The following FZD3 variants were observed in gnomAD, a reference collection of about 807,000 sequenced individuals.
The protein encoded by FZD3 is frizzled class receptor 3, also known as frizzled-3.
Under a neutral mutation model 60.7 loss-of-function variants are expected in FZD3, and 30 were observed. That is an observed-to-expected ratio of 0.49 (90% confidence interval 0.37 to 0.67). The LOEUF is 0.67. Among genes scored for constraint, FZD3 ranks in the 30% least tolerant of loss-of-function variants. The pLI is 0.00. For missense variants in FZD3, 605 were observed against 838.7 expected, an observed-to-expected ratio of 0.72 and a Z score of 3.44; for synonymous variants, 246 against 275.2, an observed-to-expected ratio of 0.89 and a Z score of 1.05.
At chr8:28,548,587 T>A (rs1317448415) in intron 5 of FZD3, among the ~76,000 whole-genome samples, 1 of 152,368 alleles carries the variant, frequency 6.6e-6, no homozygotes, top group East Asian at 1.9e-4. Flanking sequence ...TCTGAATGAT[T>A]TGAAATGTTA....
intron 5 of FZD3, among the ~76,000 whole-genome samples, chr8:28,532,786 T>A (rs1197035699): frequency 1.3e-5 from 2 of 152,166 alleles, no homozygotes; most frequent in African/African-American, 2.4e-5. Context: ...GTGTATGGAT[T>A]CTCTTAGATA....
At chr8:28,510,154 C>T (rs1804247492) in intron 3 of FZD3, among the ~76,000 whole-genome samples, 1 of 151,800 alleles carries the variant, frequency 6.6e-6, no homozygotes, top group Admixed American at 6.6e-5. Context: ...TAGCTGTCTT[C>T]AGGAGTATGA....
At chr8:28,503,227 G>A (rs902498904) in intron 3 of FZD3, 25 bp downstream of exon 3, 14 of 1,476,008 alleles carry the variant, frequency 9.5e-6, no homozygotes, top group Non-Finnish European at 1.2e-5. Context: ...ATTCTTTGAC[G>A]TATCTTAGTA....
chr8:28,500,595 A>G (rs2130264833), intron 2 of FZD3, among the ~76,000 whole-genome samples: 1 of 152,228 alleles, frequency 6.6e-6, no homozygotes, highest in East Asian at 1.9e-4. Flanking sequence ...GCAGATGAAT[A>G]TGCTGCATAA....
intron 3 of FZD3, among the ~76,000 whole-genome samples, chr8:28,507,861 C>T (rs1040114382): frequency 1.3e-5 from 2 of 150,314 alleles, no homozygotes; most frequent in Non-Finnish European, 2.9e-5. Context: ...AATATTCCAT[C>T]TTTGGTAGTG....
chr8:28,528,892 A>G (rs1804789896), intron 5 of FZD3, among the ~76,000 whole-genome samples: 1 of 152,104 alleles, frequency 6.6e-6, no homozygotes, highest in Non-Finnish European at 1.5e-5. Flanking sequence ...TACTTCTAGA[A>G]TCTGTGTTCC....
At chr8:28,556,269 C>T (rs756144705) in intron 7 of FZD3, among the ~76,000 whole-genome samples, 4 of 152,164 alleles carry the variant, frequency 2.6e-5, no homozygotes, top group Non-Finnish European at 4.4e-5. Context: ...CTACATCTAG[C>T]ACTCTTGCTA....
chr8:28,526,626 C>A (rs1430856819), intron 4 of FZD3, among the ~76,000 whole-genome samples: 1 of 152,086 alleles, frequency 6.6e-6, no homozygotes, highest in African/African-American at 2.4e-5. Context: ...GCAATACATT[C>A]TGTCATTTGG....
intron 5 of FZD3, among the ~76,000 whole-genome samples, chr8:28,543,064 C>G (rs558532483): frequency 6.6e-6 from 1 of 152,240 alleles, no homozygotes; most frequent in South Asian, 2.1e-4. Context: ...AAGTTCAAGC[C>G]TCTTATTTTA....
chr8:28,560,963 A>T (rs1253431198), intron 7 of FZD3, among the ~76,000 whole-genome samples: 1 of 152,242 alleles, frequency 6.6e-6, no homozygotes, highest in Non-Finnish European at 1.5e-5. Flanking sequence ...AGAATTAAAT[A>T]ACTTTTTACC....
chr8:28,503,120 G>A lies in FZD3; in HGVS notation c.107G>A (p.Cys36Tyr). 6.2e-7 allele frequency: 1 copy of A among 1,612,980 alleles called. No individual in the cohort carries two copies. Among genetic ancestry groups the A allele is most frequent in the Non-Finnish European group, 8.5e-7 (1 of 1,179,016 alleles). ...TGTGAACCTATTACCTTGAGGATGT[G>A]CCAAGATTTGCCTTATAATACTACC... ...FSCEPITLRM[C>Y]QDLPYNTTFM... Residue 36 changes from cysteine (C) to tyrosine (Y), a missense_variant, in exon 3 of 8, where the codon TGC (cysteine) becomes TAC (tyrosine). Physicochemically the swap from Cys to Tyr is radical, Grantham distance 194. Transcript: ENST00000240093.
intron 3 of FZD3, chr8:28,505,236 C>T (rs563027377): frequency 6.5e-6 from 1 of 154,568 alleles, no homozygotes; most frequent in Non-Finnish European, 1.5e-5. Flanking sequence ...GGAGCAAACC[C>T]AGCACACTCT....
rs748421004 is a variant in FZD3, at chr8:28,540,894, G to A, written c.1405-10709G>A. On this transcript the variant is annotated intron_variant, in intron 5 of 7. Transcript: ENST00000240093. Reference sequence around the variant, plus strand: ...TGGGAGGTGGAGGTTGCAGTGAGCCGAGAATTGCACCACTGCACTCCAGCC... The same window carrying A: ...TGGGAGGTGGAGGTTGCAGTGAGCCAAGAATTGCACCACTGCACTCCAGCC... 4.6e-5 allele frequency among the ~76,000 whole-genome samples: 7 copies of A among 152,254 alleles called. 1 individual carries two copies. The highest frequency in any genetic ancestry group is 3.3e-4 in the Admixed American group (5 of 15,294).
intron 3 of FZD3, among the ~76,000 whole-genome samples, chr8:28,512,728 A>G (rs1330846747): frequency 6.6e-6 from 1 of 152,134 alleles, no homozygotes; most frequent in East Asian, 1.9e-4. Flanking sequence ...GCAAAAAAGC[A>G]AAGTGCTAAG....
At chr8:28,496,809 T>A (rs1803856714) in intron 1 of FZD3, among the ~76,000 whole-genome samples, 1 of 152,240 alleles carries the variant, frequency 6.6e-6, no homozygotes, top group East Asian at 1.9e-4. Flanking sequence ...GTAACTAGGC[T>A]ATTGGGCCTG....
chr8:28,494,991 C>A (rs1803804343), intron 1 of FZD3, among the ~76,000 whole-genome samples: 1 of 152,168 alleles, frequency 6.6e-6, no homozygotes, highest in Non-Finnish European at 1.5e-5. Flanking sequence ...CTGCCTCCTC[C>A]GCGGGCTGTG....
At chr8:28,547,272 C>T (rs927055679) in intron 5 of FZD3, among the ~76,000 whole-genome samples, 2 of 152,164 alleles carry the variant, frequency 1.3e-5, no homozygotes, top group Admixed American at 1.3e-4. Context: ...GAAAAGTCTT[C>T]CTCAGTATCT....
At chr8:28,558,996 G>A (rs1805566354) in intron 7 of FZD3, among the ~76,000 whole-genome samples, 1 of 152,186 alleles carries the variant, frequency 6.6e-6, no homozygotes, top group African/African-American at 2.4e-5. Flanking sequence ...AATTAAGACA[G>A]TGAGTGTTAA....
At chr8:28,562,671 G>A in intron 7 of FZD3, 127 bp from the exon 8 acceptor site, 1 of 647,318 alleles carries the variant, frequency 1.5e-6, no homozygotes, top group Non-Finnish European at 2.8e-6. Context: ...TCAAAAGTTG[G>A]TTATTACTTT....
Sources: allele counts gnomAD v4.1 joint callset (sites outside exome capture counted in the v4.1 genomes callset), GRCh38; gene constraint gnomAD v4.1.1; transcripts MANE v1.5; gene names NCBI Gene and HGNC (gene_info 2026-07-23, HGNC 2026-07-21).